Variants in PDZD2 observed in about 807,000 individuals in gnomAD.
PDZD2 encodes PDZ domain-containing protein 2.
Under a neutral mutation model 220.7 loss-of-function variants are expected in PDZD2, and 90 were observed. The observed-to-expected ratio is 0.41, with a 90% CI of 0.34 to 0.49. PDZD2 has a LOEUF of 0.49. Ranked by LOEUF, PDZD2 falls within the 20% of genes least tolerant of loss-of-function variation. The probability of loss-of-function intolerance (pLI) is 0.28; values close to 1 mark genes in which losing one functional copy is unlikely to be tolerated. For missense variants in PDZD2, 3,174 were observed against 3,608.5 expected (o/e 0.88, Z 3.08); for synonymous variants, 1,375 against 1,450.5 (o/e 0.95, Z 1.18).
intron 1 of PDZD2, among the ~76,000 whole-genome samples, chr5:31,717,657 GTCC>G (rs1366175070): frequency 1.3e-5 from 2 of 152,160 alleles, no homozygotes; most frequent in Non-Finnish European, 2.9e-5. Context: ...CCATGTGGCT[GTCC>G]TCCACCAGCC....
chr5:31,777,551 G>A (rs1050956890), intron 1 of PDZD2, among the ~76,000 whole-genome samples: 6 of 152,262 alleles, frequency 3.9e-5, no homozygotes, highest in African/African-American at 7.2e-5. Flanking sequence ...GCCCCCACGC[G>A]GGATCCACTA....
intron 2 of PDZD2, among the ~76,000 whole-genome samples, chr5:31,955,010 C>T (rs1747533779): frequency 6.6e-6 from 1 of 152,150 alleles, no homozygotes; most frequent in Non-Finnish European, 1.5e-5. Context: ...ATCATATCCC[C>T]GCCGGGGTTG....
rs1746474452 is a variant in PDZD2, at chr5:31,677,366, C to T, written c.-361+37929C>T. Among the ~76,000 whole-genome samples the T allele has an allele frequency of 9.5e-4, 2 of 2,114 alleles. 1 individual carries two copies. Among genetic ancestry groups the T allele is most frequent in the South Asian group, 0.083 (2 of 24 alleles). 1.4% of individuals were successfully genotyped at this position (2,114 alleles called of 152,430 possible). A position where few individuals can be genotyped will look rare whatever the true frequency, so the allele number is the denominator to read the frequency against. ...GCGCAGTGGCTCACGCCTGTAATCC[C>T]GGCACTTTGGGAGGCCGAGGCGGGC... On this transcript the variant is annotated intron_variant, in intron 1 of 24. Coordinates refer to ENST00000438447, the MANE Select transcript of PDZD2 (RefSeq NM_178140.4).
intron 1 of PDZD2, among the ~76,000 whole-genome samples, chr5:31,760,618 A>G (rs1313814888): frequency 1.3e-5 from 2 of 152,166 alleles, no homozygotes; most frequent in Non-Finnish European, 2.9e-5. Flanking sequence ...GAGTCACTGC[A>G]ATAAATATTT....
At chr5:31,837,329 G>A (rs568734560) in intron 2 of PDZD2, among the ~76,000 whole-genome samples, 5 of 152,276 alleles carry the variant, frequency 3.3e-5, no homozygotes, top group African/African-American at 7.2e-5. Context: ...GCAGAGTCAC[G>A]ACAAGCAGCT....
In PDZD2 at chr5:32,088,828, G is replaced by A. The variant is rs377489804; in HGVS notation, c.5380G>A (p.Ala1794Thr). ...CTTGCTACAGAAACCAAAAATGATC[G>A]CTAGGAGGCCCATCATGGCCTGGTT... ...DDLLQKPKMI[A>T]RRPIMAWFKE... Residue 1794 changes from alanine (A) to threonine (T), a missense_variant, in exon 20 of 25, where the codon GCT becomes ACT. Physicochemically the swap from Ala to Thr is moderately conservative, Grantham distance 58. This residue lies in a region of PDZD2 where 1,861 missense variants were observed against 2,001.0 expected (regional missense o/e 0.93). Transcript: ENST00000438447. The surrounding 1 kb of genome is among the most constrained non-coding windows in gnomAD (Gnocchi z 4.6). 1.1e-5 allele frequency: 17 copies of A among 1,613,888 alleles called. No homozygotes were observed. The highest frequency in any genetic ancestry group is 1.3e-5 in the African/African-American group (1 of 74,966).
chr5:32,054,403 A>AGCC (rs1260183883), intron 10 of PDZD2, among the ~76,000 whole-genome samples: 2 of 137,282 alleles, frequency 1.5e-5, no homozygotes. Context: ...GGCTCACTGC[A>AGCC]GCCTCAACCC....
At chr5:31,885,430 A>T (rs151194678) in intron 2 of PDZD2, among the ~76,000 whole-genome samples, 4 of 152,166 alleles carry the variant, frequency 2.6e-5, no homozygotes, top group African/African-American at 7.2e-5. Flanking sequence ...CAGAAATTGT[A>T]CTTCTAGAAT....
intron 2 of PDZD2, among the ~76,000 whole-genome samples, chr5:31,906,459 C>T (rs1742662897): frequency 6.6e-6 from 1 of 151,842 alleles, no homozygotes; most frequent in Non-Finnish European, 1.5e-5. Context: ...ATCAGCCCGT[C>T]TCAGCCTCCC....
At chr5:31,756,736 C>T (rs1751326650) in intron 1 of PDZD2, among the ~76,000 whole-genome samples, 2 of 152,224 alleles carry the variant, frequency 1.3e-5, no homozygotes, top group Admixed American at 6.5e-5. Context: ...TCAGTATCCA[C>T]AGCCCTGCCA....
At chr5:31,933,027 C>T (rs1487660003) in intron 2 of PDZD2, among the ~76,000 whole-genome samples, 1 of 151,984 alleles carries the variant, frequency 6.6e-6, no homozygotes, top group Non-Finnish European at 1.5e-5. Context: ...TCTCATGCCT[C>T]ATCCTCCCGA....
intron 2 of PDZD2, among the ~76,000 whole-genome samples, chr5:31,850,409 C>A (rs989269963): frequency 5.9e-5 from 9 of 151,334 alleles, no homozygotes; most frequent in Non-Finnish European, 8.8e-5. Context: ...CACAGGGGTT[C>A]AGGATCTTTA....
chr5:31,949,222 T>G (rs1746955929), intron 2 of PDZD2, among the ~76,000 whole-genome samples: 1 of 152,132 alleles, frequency 6.6e-6, no homozygotes, highest in South Asian at 2.1e-4. Context: ...AATCTCATTT[T>G]TTTTTTAAGT....
chr5:32,057,685 C>T lies in PDZD2; in HGVS notation c.1931C>T (p.Pro644Leu), dbSNP rs1739211496. 1 of 1,592,834 alleles carries T rather than the reference C, an allele frequency of 6.3e-7. No homozygotes were observed. Among genetic ancestry groups the T allele is most frequent in the Non-Finnish European group, 8.6e-7 (1 of 1,161,842 alleles). The change falls in exon 11 of 25, where the codon CCA (proline) becomes CTA (leucine). Residue 644 changes from proline (P) to leucine (L), a missense_variant. By Grantham distance (98) the Pro-to-Leu change is moderately conservative. Coordinates refer to ENST00000438447, the MANE Select transcript of PDZD2 (RefSeq NM_178140.4). ...GDEILDVNGI[P>L]IKGLTFQEAI... is the part of the protein sequence containing the mutation. ...GAAATCCTAGATGTAAATGGAATACCAATAAAGGGCTTGACATTTCAAGAA... is the reference window on the plus strand; with the variant it reads ...GAAATCCTAGATGTAAATGGAATACTAATAAAGGGCTTGACATTTCAAGAA...
At chr5:31,678,469 G>A (rs1030898964) in intron 1 of PDZD2, among the ~76,000 whole-genome samples, 2 of 151,834 alleles carry the variant, frequency 1.3e-5, no homozygotes, top group African/African-American at 4.8e-5. Flanking sequence ...GACGTCTGGA[G>A]CCTGGGGACA....
At chr5:31,718,691 CTCATTTTTTTTTTT>C (rs1748599746) in intron 1 of PDZD2, among the ~76,000 whole-genome samples, 1 of 146,954 alleles carries the variant, frequency 6.8e-6, no homozygotes, top group Non-Finnish European at 1.5e-5. Flanking sequence ...CTGTAACAGC[CTCATTTTTTTTTTT>C]TTTTTTTTTT....
Position 32,096,566 on chromosome 5 carries a change from G to A in PDZD2, c.7846-713G>A, listed in dbSNP as rs111716122. Among the ~76,000 whole-genome samples the A allele has an allele frequency of 6.7e-3, 1,021 of 152,166 alleles. 13 individuals carry two copies. The highest frequency in any genetic ancestry group is 0.023 in the African/African-American group (935 of 41,518). On this transcript the variant is annotated intron_variant, in intron 21 of 24. Transcript: ENST00000438447. ...ACTCCTGACCTCAGGTGATCCGCCCGCCTTGGCCTCCCAAAGCACTGGGAT... is the reference window on the plus strand; with the variant it reads ...ACTCCTGACCTCAGGTGATCCGCCCACCTTGGCCTCCCAAAGCACTGGGAT...
At position 31,703,528 on chromosome 5, in the gene PDZD2, C is replaced by T. The variant is rs147906502; in HGVS notation, c.-361+64091C>T. Among the ~76,000 whole-genome samples, 639 of 152,144 alleles carry T rather than the reference C, an allele frequency of 4.2e-3. 8 individuals carry two copies. The highest frequency in any genetic ancestry group is 0.014 in the African/African-American group (592 of 41,500). On this transcript the variant is annotated intron_variant, in intron 1 of 24. Transcript: ENST00000438447. ...CATTAGGACAAATACCTAACGCATG[C>T]GGGGCTTAAACCTAGATGACGGGTT...
At chr5:31,960,040 T>C (rs1748069277) in intron 2 of PDZD2, among the ~76,000 whole-genome samples, 1 of 152,186 alleles carries the variant, frequency 6.6e-6, no homozygotes, top group Non-Finnish European at 1.5e-5. Context: ...TAATCCAGGA[T>C]GATCTCCTCT....
Sources: gnomAD v4.1 joint callset for allele counts (sites outside exome capture counted in the v4.1 genomes callset) on GRCh38, gnomAD v4.1.1 for gene constraint, gnomAD v4.1.1 regional missense constraint, Gnocchi (gnomAD v3.1) non-coding constraint, MANE v1.5 for transcripts, NCBI Gene and HGNC (gene_info 2026-07-23, HGNC 2026-07-21) for gene names.